Variants in LRBA observed in about 807,000 individuals in gnomAD.
LRBA encodes LPS responsive beige-like anchor protein, also known as lipopolysaccharide-responsive and beige-like anchor protein.
A neutral mutation model predicts 330.0 loss-of-function variants in LRBA; 176 were observed. The observed-to-expected ratio is 0.53, with a 90% confidence interval of 0.47 to 0.60. LRBA has a LOEUF of 0.60. LRBA is among the 20% of genes least tolerant of loss of function. The pLI, the probability that LRBA is intolerant of heterozygous loss-of-function variation, is 0.00. For synonymous variants in LRBA, 1,230 were observed against 1,193.0 expected, an observed-to-expected ratio of 1.03 and a Z score of -0.64; for missense variants, 3,259 against 3,444.8, an observed-to-expected ratio of 0.95 and a Z score of 1.35.
rs544968156 is a variant in LRBA at position 150,704,954 on chromosome 4, G to A, written c.5755-21237C>T. ...ACACATACAGCAGATTCTATACTAC[G>A]GAAATGGCTTGTTGTACCGAGTAAT... On this transcript the variant is annotated intron_variant, in intron 36 of 56. Coordinates refer to ENST00000651943, the MANE Select transcript of LRBA (RefSeq NM_001364905.1). 6.6e-5 allele frequency among the ~76,000 whole-genome samples: 10 copies of A among 152,226 alleles called. No individual in the cohort carries two copies. In the East Asian group the frequency reaches 7.7e-4, roughly 12 times the overall value.
At chr4:150,639,357 T>C (rs1478948627) in intron 37 of LRBA, among the ~76,000 whole-genome samples, 1 of 14,740 alleles carries the variant, frequency 6.8e-5, no homozygotes, top group Non-Finnish European at 2.6e-4. Flanking sequence ...ACTTAAAGTA[T>C]AATAAAAAAA....
intron 42 of LRBA, among the ~76,000 whole-genome samples, chr4:150,484,166 G>GGTGTTCAGGTA (rs1757613383): frequency 6.6e-6 from 1 of 151,844 alleles, no homozygotes; most frequent in Non-Finnish European, 1.5e-5. Flanking sequence ...GTATGCATTT[G>GGTGTTCAGGTA]GTGTTCAGGT....
At chr4:150,573,638 CA>C (rs1770160555) in intron 40 of LRBA, among the ~76,000 whole-genome samples, 1 of 152,138 alleles carries the variant, frequency 6.6e-6, no homozygotes, top group African/African-American at 2.4e-5. Flanking sequence ...CTTAGACAAA[CA>C]ATAAGTTATC....
chr4:150,980,764 A>T (rs1019933167), intron 2 of LRBA, among the ~76,000 whole-genome samples: 1 of 152,252 alleles, frequency 6.6e-6, no homozygotes, highest in Non-Finnish European at 1.5e-5. Context: ...AAAAACTATT[A>T]GAAGTGATTA....
intron 35 of LRBA, among the ~76,000 whole-genome samples, chr4:150,740,953 T>A (rs1731877516): frequency 6.6e-6 from 1 of 152,128 alleles, no homozygotes; most frequent in Admixed American, 6.5e-5. Context: ...ATCAATCAAC[T>A]GATGCTCATA....
At chr4:150,318,204 G>A (rs1011637899) in intron 50 of LRBA, among the ~76,000 whole-genome samples, 1 of 152,028 alleles carries the variant, frequency 6.6e-6, no homozygotes, top group African/African-American at 2.4e-5. Context: ...TGTTCTTTTT[G>A]GCCACCAGTT....
intron 17 of LRBA, among the ~76,000 whole-genome samples, chr4:150,883,477 T>C (rs967116322): frequency 2.6e-5 from 4 of 152,088 alleles, no homozygotes; most frequent in Admixed American, 2.0e-4. Flanking sequence ...AAAAAAATTA[T>C]GTTACTGTAT....
At chr4:150,984,211 T>G (rs1320607838) in intron 2 of LRBA, among the ~76,000 whole-genome samples, 1 of 152,250 alleles carries the variant, frequency 6.6e-6, no homozygotes, top group Non-Finnish European at 1.5e-5. Context: ...AGAAAATTTT[T>G]GCGATCTACA....
At chr4:150,943,576 A>C (rs561962768) in intron 2 of LRBA, among the ~76,000 whole-genome samples, 1 of 152,318 alleles carries the variant, frequency 6.6e-6, no homozygotes, top group African/African-American at 2.4e-5. Flanking sequence ...CACAGAATTA[A>C]CTATGTTTTA....
In LRBA at chr4:150,412,523, G is replaced by C. The variant is rs961992612; in HGVS notation, c.7194+2915C>G. ...GAAGGCAGTGAGGGTAGAGATGGGA[G>C]GTACTGTCAAGAGAGCGGCTTGCCT... is the stretch of plus-strand genomic sequence containing the variant. On this transcript the variant is annotated intron_variant, in intron 47 of 56. Coordinates refer to ENST00000651943, the MANE Select transcript of LRBA (RefSeq NM_001364905.1). Among the ~76,000 whole-genome samples, 2 of 152,176 alleles carry C rather than the reference G, an allele frequency of 1.3e-5. 1 individual carries two copies.
chr4:150,688,594 A>T (rs1178112219), intron 36 of LRBA, among the ~76,000 whole-genome samples: 5 of 152,224 alleles, frequency 3.3e-5, no homozygotes, highest in Non-Finnish European at 7.4e-5. Flanking sequence ...CAAGGAACTT[A>T]AACTAATTTA....
intron 37 of LRBA, among the ~76,000 whole-genome samples, chr4:150,675,204 A>C (rs1782426188): frequency 6.6e-6 from 1 of 152,186 alleles, no homozygotes; most frequent in Non-Finnish European, 1.5e-5. Flanking sequence ...AAACAAAAAA[A>C]CAAAAAAACA....
chr4:150,315,898 G>C (rs1288088337), intron 50 of LRBA, among the ~76,000 whole-genome samples: 1 of 152,152 alleles, frequency 6.6e-6, no homozygotes, highest in African/African-American at 2.4e-5. Context: ...CTCTGATGCT[G>C]CAACAAAACA....
At chr4:150,635,374 T>A (rs949528543) in intron 37 of LRBA, among the ~76,000 whole-genome samples, 10 of 152,242 alleles carry the variant, frequency 6.6e-5, no homozygotes, top group Non-Finnish European at 1.5e-4. Context: ...TATATGTTAA[T>A]GTGTCCCAAT....
At chr4:150,927,954 A>C (rs1466104794) in intron 4 of LRBA, among the ~76,000 whole-genome samples, 2 of 152,202 alleles carry the variant, frequency 1.3e-5, no homozygotes, top group Non-Finnish European at 2.9e-5. Flanking sequence ...ATAAGATTGG[A>C]AATGCAACAA....
intron 53 of LRBA, among the ~76,000 whole-genome samples, chr4:150,294,316 T>C (rs1337017829): frequency 1.3e-5 from 2 of 152,236 alleles, no homozygotes; most frequent in African/African-American, 2.4e-5. Flanking sequence ...GCTTTAGTGA[T>C]AGGATTGCAT....
intron 44 of LRBA, among the ~76,000 whole-genome samples, chr4:150,461,748 T>C (rs550639940): frequency 8.6e-5 from 13 of 151,946 alleles, no homozygotes; most frequent in African/African-American, 2.6e-4. Context: ...TAGTTATCAA[T>C]TGCATTTCAA....
chr4:150,448,831 G>GC (rs1245336884), intron 44 of LRBA, among the ~76,000 whole-genome samples: 2 of 122,358 alleles, frequency 1.6e-5, no homozygotes, highest in African/African-American at 6.5e-5. Context: ...AAGGGGGGGG[G>GC]GGTGGGCAGG....
chr4:150,775,929 G>C (rs993515650), intron 34 of LRBA, among the ~76,000 whole-genome samples: 1 of 150,616 alleles, frequency 6.6e-6, no homozygotes, highest in East Asian at 1.9e-4. Flanking sequence ...CAGAAGAGGA[G>C]AAAAGAGGGG....
Sources: allele counts gnomAD v4.1 joint callset (sites outside exome capture counted in the v4.1 genomes callset), GRCh38; gene constraint gnomAD v4.1.1; transcripts MANE v1.5; gene names NCBI Gene and HGNC (gene_info 2026-07-23, HGNC 2026-07-21).